ROR1: variants seen among roughly 807,000 people sequenced by gnomAD.
ROR1 encodes ROR family WNT receptor 1.
ROR1 carries 19 observed loss-of-function variants against 78.8 expected under a neutral mutation model. The ratio of observed to expected loss-of-function variants is 0.24; its 90% CI spans 0.17 to 0.35. The LOEUF (loss-of-function observed/expected upper bound fraction) is 0.35, where lower values mean the gene tolerates loss of function less well. ROR1 is among the 10% of genes least tolerant of loss of function. The probability of loss-of-function intolerance (pLI) is 1.00; values close to 1 mark genes in which losing one functional copy is unlikely to be tolerated. For synonymous variants in ROR1, 386 were observed against 433.6 expected, an observed-to-expected ratio of 0.89 and a Z score of 1.36; for missense variants, 917 against 1,177.8, an observed-to-expected ratio of 0.78 and a Z score of 3.24.
chr1:64,018,821 G>A (rs1358782497), intron 2 of ROR1, among the ~76,000 whole-genome samples: 2 of 152,128 alleles, frequency 1.3e-5, no homozygotes, highest in African/African-American at 2.4e-5. Context: ...TACGGGAGCC[G>A]AAAGTTACTT....
At chr1:64,032,340 CAAAAAAA>C (rs66602515) in intron 2 of ROR1, among the ~76,000 whole-genome samples, 1 of 76,342 alleles carries the variant, frequency 1.3e-5, no homozygotes, top group Non-Finnish European at 2.5e-5. Flanking sequence ...GACTCCGTCT[CAAAAAAA>C]AAAAAAAAAA....
At chr1:63,959,715 G>A (rs1646012851) in intron 1 of ROR1, among the ~76,000 whole-genome samples, 1 of 152,140 alleles carries the variant, frequency 6.6e-6, no homozygotes, top group Admixed American at 6.5e-5. Context: ...GAATCAACAT[G>A]AGCTAAGGAG....
chr1:64,096,252 A>C (rs903900819), intron 4 of ROR1, among the ~76,000 whole-genome samples: 3 of 151,900 alleles, frequency 2.0e-5, no homozygotes, highest in African/African-American at 4.8e-5. Flanking sequence ...TTTAAATTTC[A>C]GGGGTACTTG....
intron 4 of ROR1, among the ~76,000 whole-genome samples, chr1:64,051,455 TAA>T (rs369511325): frequency 5.1e-5 from 2 of 39,194 alleles, no homozygotes; most frequent in Non-Finnish European, 1.6e-4. Context: ...GTCTCAAAAA[TAA>T]AAAATAAAAT....
At position 64,137,412 on chromosome 1, in the gene ROR1, A is replaced by G. The variant is rs781314810; in HGVS notation, c.526A>G (p.Ile176Val). 7.4e-6 allele frequency: 12 copies of G among 1,613,932 alleles called. No individual in the cohort carries two copies. Among genetic ancestry groups the G allele is most frequent in the Non-Finnish European group, 1.0e-5 (12 of 1,179,914 alleles). Reference sequence around the variant, plus strand: ...TGGATTCTGTCAGCCATACAGAGGGATTGCATGTGCAAGATTTATTGGCAA... The same window carrying G: ...TGGATTCTGTCAGCCATACAGAGGGGTTGCATGTGCAAGATTTATTGGCAA... ...EDGFCQPYRG[I>V]ACARFIGNRT... is the part of the protein sequence containing the mutation. Residue 176 changes from isoleucine to valine, a missense_variant, in exon 5 of 9, where the codon ATT (isoleucine) becomes GTT (valine). Transcript: ENST00000371079.
intron 1 of ROR1, among the ~76,000 whole-genome samples, chr1:63,891,378 G>A (rs1384504550): frequency 6.6e-6 from 1 of 152,094 alleles, no homozygotes; most frequent in Non-Finnish European, 1.5e-5. Context: ...GGATGGTGGT[G>A]AGGACTCCTT....
chr1:64,051,738 A>G (rs988654340), intron 4 of ROR1, among the ~76,000 whole-genome samples: 2 of 152,006 alleles, frequency 1.3e-5, no homozygotes, highest in African/African-American at 2.4e-5. Context: ...TGGGGGAAGG[A>G]CCCACTTATT....
chr1:63,828,225 A>G (rs1347981408), intron 1 of ROR1, among the ~76,000 whole-genome samples: 1 of 152,226 alleles, frequency 6.6e-6, no homozygotes, highest in Non-Finnish European at 1.5e-5. Flanking sequence ...CGGTTTTTCT[A>G]AAGTAGAAAG....
chr1:64,071,974 A>G (rs1334734557), intron 4 of ROR1, among the ~76,000 whole-genome samples: 3 of 152,080 alleles, frequency 2.0e-5, no homozygotes, highest in South Asian at 2.1e-4. Flanking sequence ...GTGCTTCCCT[A>G]TGTTACACTA....
chr1:64,142,746 A>C (rs1286469645), intron 7 of ROR1, 96 bp downstream of exon 7: 1 of 1,537,766 alleles, frequency 6.5e-7, no homozygotes, highest in Non-Finnish European at 8.7e-7. Flanking sequence ...GGGGGCAAAG[A>C]AAATGGACAG....
chr1:64,085,724 G>A lies in ROR1; in HGVS notation c.482+35008G>A, dbSNP rs531522357. On this transcript the variant is annotated intron_variant, in intron 4 of 8. Transcript: ENST00000371079. ...CAGCTGCAGTGCACAGAGCTTCCCT[G>A]CAAAATCATTAAGAAAGGGACAGGT... Among the ~76,000 whole-genome samples the A allele has an allele frequency of 2.8e-4, 42 of 152,244 alleles. 1 individual carries two copies. Among genetic ancestry groups the A allele is most frequent in the African/African-American group, 9.6e-4 (40 of 41,546 alleles).
At chr1:64,050,507 A>T (rs551656831) in intron 3 of ROR1, among the ~76,000 whole-genome samples, 179 bp from the exon 4 acceptor site, 61 of 143,018 alleles carry the variant, frequency 4.3e-4, no homozygotes, top group East Asian at 2.2e-3. Context: ...TCTCACTGGT[A>T]TTTTTTTTTT....
At chr1:64,063,481 G>A (rs1185797568) in intron 4 of ROR1, among the ~76,000 whole-genome samples, 2 of 152,180 alleles carry the variant, frequency 1.3e-5, no homozygotes, top group South Asian at 4.1e-4. Flanking sequence ...TCAGTGGAAT[G>A]TGCAGGTTTC....
At chr1:63,969,529 C>T (rs1646102029) in intron 1 of ROR1, among the ~76,000 whole-genome samples, 1 of 152,108 alleles carries the variant, frequency 6.6e-6, no homozygotes, top group African/African-American at 2.4e-5. Context: ...TATAAGTTGG[C>T]TTGTTCAAAA....
At chr1:64,050,777 A>G (rs1353599203) in intron 4 of ROR1, 61 bp downstream of exon 4, 1 of 1,530,112 alleles carries the variant, frequency 6.5e-7, no homozygotes, top group East Asian at 2.2e-5. Context: ...TTTCTAGGGC[A>G]AAAGCAATGT....
At chr1:64,111,220 T>G (rs1648081687) in intron 4 of ROR1, 1 of 152,192 alleles carries the variant, frequency 6.6e-6, no homozygotes, top group Non-Finnish European at 1.5e-5. Context: ...TTGCTTGTAA[T>G]TTTTGTCCAT....
At chr1:64,157,406 T>C (rs1399358187) in intron 7 of ROR1, among the ~76,000 whole-genome samples, 3 of 152,154 alleles carry the variant, frequency 2.0e-5, no homozygotes, top group Admixed American at 2.0e-4. Flanking sequence ...CCCAAAGTGC[T>C]GGGATTACAG....
chr1:63,951,883 G>T (rs1645942427), intron 1 of ROR1, among the ~76,000 whole-genome samples: 2 of 152,088 alleles, frequency 1.3e-5, no homozygotes, highest in Admixed American at 6.5e-5. Flanking sequence ...GAAAATTGGT[G>T]TAGACGAGCT....
At chr1:64,114,840 A>G (rs1459277973) in intron 4 of ROR1, among the ~76,000 whole-genome samples, 1 of 152,216 alleles carries the variant, frequency 6.6e-6, no homozygotes, top group African/African-American at 2.4e-5. Context: ...GGCTCAGGAC[A>G]TCATCAGATA....
Sources: gnomAD v4.1 joint callset for allele counts (sites outside exome capture counted in the v4.1 genomes callset) on GRCh38, gnomAD v4.1.1 for gene constraint, MANE v1.5 for transcripts, NCBI Gene and HGNC (gene_info 2026-07-23, HGNC 2026-07-21) for gene names.